Variants in RB1 observed in about 807,000 individuals in gnomAD.
RB1 encodes retinoblastoma-associated protein.
A neutral mutation model predicts 135.4 loss-of-function variants in RB1; 18 were observed. The observed-to-expected ratio is 0.13, with a 90% CI of 0.09 to 0.20. The LOEUF (loss-of-function observed/expected upper bound fraction) is 0.20, where lower values mean the gene tolerates loss of function less well. RB1 is among the 10% of genes least tolerant of loss of function. The pLI, the probability that RB1 is intolerant of heterozygous loss-of-function variation, is 1.00. For missense variants in RB1, 868 were observed against 1,110.0 expected, an observed-to-expected ratio of 0.78 and a Z score of 3.10; for synonymous variants, 365 against 373.2, an observed-to-expected ratio of 0.98 and a Z score of 0.25.
chr13:48,359,948 C>T (rs1264633665), intron 6 of RB1, 69 bp from the exon 7 acceptor site: 7 of 1,589,656 alleles, frequency 4.4e-6, no homozygotes, highest in Admixed American at 3.4e-5. Context: ...TATACTCTAC[C>T]CTGCGATTTT....
At chr13:48,367,438 G>C (rs1468718115) in intron 9 of RB1, 56 bp from the exon 10 acceptor site, 1 of 1,570,700 alleles carries the variant, frequency 6.4e-7, no homozygotes, top group East Asian at 2.3e-5. Flanking sequence ...GCCTCTGTGT[G>C]CTGAGAGATG....
chr13:48,419,145 ACTC>A (rs1433820246), intron 17 of RB1, among the ~76,000 whole-genome samples: 1 of 152,040 alleles, frequency 6.6e-6, no homozygotes, highest in Admixed American at 6.6e-5. Flanking sequence ...GGAGTAAAAC[ACTC>A]CTCAACAAAT....
intron 17 of RB1, among the ~76,000 whole-genome samples, chr13:48,418,595 T>A (rs969281045): frequency 1.3e-5 from 2 of 151,764 alleles, no homozygotes; most frequent in Admixed American, 1.3e-4. Flanking sequence ...GACTGGCAAG[T>A]TGGATAAAGA....
intron 17 of RB1, among the ~76,000 whole-genome samples, chr13:48,430,489 C>A (rs1949117884): frequency 6.6e-6 from 1 of 152,042 alleles, no homozygotes; most frequent in South Asian, 2.1e-4. Flanking sequence ...GCCTATAATC[C>A]CAGCACTTTG....
At chr13:48,378,212 T>G (rs765905971) in intron 13 of RB1, among the ~76,000 whole-genome samples, 22 of 152,172 alleles carry the variant, frequency 1.4e-4, no homozygotes, top group Non-Finnish European at 2.6e-4. Context: ...TCACTGTAAC[T>G]TTTTTACTTT....
chr13:48,466,368 TAAC>T (rs1238763241), intron 23 of RB1, among the ~76,000 whole-genome samples: 9 of 76,698 alleles, frequency 1.2e-4, no homozygotes, highest in Admixed American at 7.1e-4. Flanking sequence ...GAAGGAAAAC[TAAC>T]AACCAGAAAG....
chr13:48,436,271 C>A (rs1379158241), intron 17 of RB1, among the ~76,000 whole-genome samples: 2 of 152,074 alleles, frequency 1.3e-5, no homozygotes, highest in African/African-American at 4.8e-5. Flanking sequence ...TCTTTGGTGT[C>A]CAGTTGGAAA....
rs145725575 is a variant in RB1 at position 48,373,504 on chromosome 13, A to G, written c.1215+12A>G. On this transcript the variant is annotated intron_variant, in intron 12 of 26. Transcript: ENST00000267163. Reference sequence around the variant, plus strand: ...TTTCCTATTTTAACGTAAGCCATATATGAAACATTATTTATTGTAATATCT... The same window carrying G: ...TTTCCTATTTTAACGTAAGCCATATGTGAAACATTATTTATTGTAATATCT... 19 of 1,477,572 alleles carry G rather than the reference A, an allele frequency of 1.3e-5. No individual in the cohort carries two copies. The Admixed American group carries it at 1.8e-4, about 14-fold the overall frequency. The allele number at this position is 1,477,572 out of a possible 1,614,324, so 91.5% of individuals were successfully genotyped here.
At chr13:48,409,825 C>T (rs1257307063) in intron 17 of RB1, among the ~76,000 whole-genome samples, 1 of 151,878 alleles carries the variant, frequency 6.6e-6, no homozygotes, top group South Asian at 2.1e-4. Context: ...ATGATCCACC[C>T]GCCTCAGCCA....
chr13:48,422,188 T>C (rs868745130), intron 17 of RB1, among the ~76,000 whole-genome samples: 1 of 152,174 alleles, frequency 6.6e-6, no homozygotes, highest in East Asian at 1.9e-4. Context: ...TATGCAGCCA[T>C]GAACAAGGAT....
intron 7 of RB1, among the ~76,000 whole-genome samples, chr13:48,361,736 CTT>C (rs1255187734): frequency 1.3e-5 from 2 of 151,194 alleles, no homozygotes; most frequent in African/African-American, 2.5e-5. Flanking sequence ...TTTAAAAACT[CTT>C]TTAAAAGTTT....
intron 1 of RB1, among the ~76,000 whole-genome samples, chr13:48,304,292 T>C (rs1952058414): frequency 6.6e-6 from 1 of 152,138 alleles, no homozygotes; most frequent in East Asian, 1.9e-4. Context: ...GCTAGGGTCC[T>C]GAGCGAAGTG....
chr13:48,381,053 A>G (rs974711058), intron 16 of RB1, among the ~76,000 whole-genome samples, 194 bp from the exon 17 acceptor site: 2 of 152,118 alleles, frequency 1.3e-5, no homozygotes, highest in Admixed American at 1.3e-4. Context: ...TCTAGGAAAA[A>G]CACAGATTTG....
intron 2 of RB1, among the ~76,000 whole-genome samples, chr13:48,313,427 A>T (rs1952150016): frequency 6.7e-6 from 1 of 150,242 alleles, no homozygotes; most frequent in Admixed American, 6.6e-5. Context: ...TGTTGTATCT[A>T]AGAAGGCCTT....
intron 13 of RB1, among the ~76,000 whole-genome samples, chr13:48,378,224 T>C (rs1477709940): frequency 6.6e-6 from 1 of 152,210 alleles, no homozygotes; most frequent in Non-Finnish European, 1.5e-5. Flanking sequence ...TTTTACTTTA[T>C]AAATCTTCAG....
chr13:48,310,074 A>G (rs1275738517), intron 2 of RB1, among the ~76,000 whole-genome samples: 1 of 152,162 alleles, frequency 6.6e-6, no homozygotes, highest in Non-Finnish European at 1.5e-5. Flanking sequence ...GAAGGGTATG[A>G]TGGAAGATGA....
intron 17 of RB1, among the ~76,000 whole-genome samples, chr13:48,414,438 T>A (rs1160017852): frequency 6.6e-6 from 1 of 152,102 alleles, no homozygotes; most frequent in Non-Finnish European, 1.5e-5. Context: ...GTAGGTGTTA[T>A]TTCCTCAAAG....
chr13:48,350,085 T>A (rs1952534886), intron 6 of RB1, among the ~76,000 whole-genome samples: 1 of 151,980 alleles, frequency 6.6e-6, no homozygotes, highest in South Asian at 2.1e-4. Context: ...CCCAATACAA[T>A]AGAAATAGCT....
At chr13:48,357,201 C>T (rs1310987721) in intron 6 of RB1, among the ~76,000 whole-genome samples, 1 of 151,540 alleles carries the variant, frequency 6.6e-6, no homozygotes, top group African/African-American at 2.4e-5. Flanking sequence ...TTGTTCTATA[C>T]CATTGTATTT....
Sources: allele counts gnomAD v4.1 joint callset (sites outside exome capture counted in the v4.1 genomes callset), GRCh38; gene constraint gnomAD v4.1.1; transcripts MANE v1.5; gene names NCBI Gene and HGNC (gene_info 2026-07-23, HGNC 2026-07-21).